The following TMEFF2 variants were observed in gnomAD, a reference collection of about 807,000 sequenced individuals.
The protein encoded by TMEFF2 is tomoregulin-2.
In TMEFF2, 28 loss-of-function variants were observed where a neutral mutation model predicts 53.8. The observed-to-expected ratio is 0.52, with a 90% CI of 0.39 to 0.71. The LOEUF is 0.71. Among genes scored for constraint, TMEFF2 ranks in the 30% least tolerant of loss-of-function variants. The pLI is 0.00. For synonymous variants in TMEFF2, 162 were observed against 166.3 expected (o/e 0.97, Z 0.20); for missense variants, 353 against 455.2 (o/e 0.78, Z 2.04).
At chr2:192,031,414 G>C (rs1687134781) in intron 5 of TMEFF2, 2 of 152,108 alleles carry the variant, frequency 1.3e-5, no homozygotes, top group Non-Finnish European at 2.9e-5. Context: ...TGGAGCGTGA[G>C]AATCAGAGCG....
chr2:192,080,605 G>A (rs1422721010), intron 4 of TMEFF2, among the ~76,000 whole-genome samples: 1 of 152,172 alleles, frequency 6.6e-6, no homozygotes. Context: ...GAGAGAGTAA[G>A]TCAATTTGAT....
At chr2:192,104,839 T>C (rs559471825) in intron 4 of TMEFF2, among the ~76,000 whole-genome samples, 1 of 152,246 alleles carries the variant, frequency 6.6e-6, no homozygotes, top group Non-Finnish European at 1.5e-5. Flanking sequence ...ATGAGGTATA[T>C]TGAACATTTC....
rs943521305 is a variant in TMEFF2, at chr2:191,993,809, C to T, written c.745+4453G>A. On this transcript the variant is annotated intron_variant, in intron 7 of 9. Transcript: ENST00000272771. ...TTGATTTTAAAAATTCCCAGCCATA[C>T]GGAGAGCCTCTTGGCGTATTTTGTA... 2.6e-5 allele frequency among the ~76,000 whole-genome samples: 4 copies of T among 151,988 alleles called. No individual in the cohort carries two copies. In the East Asian group the frequency reaches 5.8e-4, roughly 22 times the overall value.
intron 7 of TMEFF2, among the ~76,000 whole-genome samples, chr2:191,959,767 T>C (rs1228487678): frequency 6.6e-6 from 1 of 152,220 alleles, no homozygotes; most frequent in East Asian, 1.9e-4. Context: ...TGACTAAATC[T>C]ATCCATATTT....
chr2:192,023,416 G>C (rs982330220), intron 5 of TMEFF2, among the ~76,000 whole-genome samples: 9 of 152,136 alleles, frequency 5.9e-5, no homozygotes, highest in Admixed American at 5.9e-4. Flanking sequence ...TTCTGCCTGA[G>C]TTTTGAGAGA....
chr2:192,061,209 T>C (rs926331961), intron 4 of TMEFF2, among the ~76,000 whole-genome samples: 14 of 152,262 alleles, frequency 9.2e-5, no homozygotes, highest in African/African-American at 3.1e-4. Flanking sequence ...AACAGTGAAC[T>C]ATAATGTTCA....
intron 4 of TMEFF2, among the ~76,000 whole-genome samples, chr2:192,134,704 T>C (rs907508197): frequency 1.3e-5 from 2 of 152,180 alleles, no homozygotes; most frequent in African/African-American, 4.8e-5. Flanking sequence ...TTAGTCTAAG[T>C]AGACACTTTC....
intron 4 of TMEFF2, among the ~76,000 whole-genome samples, chr2:192,118,689 C>T (rs758904242): frequency 2.0e-5 from 3 of 152,098 alleles, no homozygotes; most frequent in Non-Finnish European, 4.4e-5. Flanking sequence ...AAGACAAATT[C>T]CTTGAAGACC....
chr2:192,183,846 T>C (rs546774738), intron 3 of TMEFF2, among the ~76,000 whole-genome samples: 1 of 152,242 alleles, frequency 6.6e-6, no homozygotes, highest in East Asian at 1.9e-4. Flanking sequence ...CTAGAAATTA[T>C]GTCCATTACA....
Position 192,184,321 on chromosome 2 carries a change from T to C in TMEFF2, c.412+33A>G, listed in dbSNP as rs113644195. On this transcript the variant is annotated intron_variant, in intron 3 of 9. Transcript: ENST00000272771. ...ACATGGTTTTTGGATTTGGAATCCA[T>C]GCAGAAGGTTTCAAAGAAGATCACA... 812 of 1,609,974 alleles carry C rather than the reference T, an allele frequency of 5.0e-4. 4 individuals carry two copies. In the African/African-American group the frequency reaches 9.8e-3, roughly 19 times the overall value.
At chr2:192,164,477 C>T (rs2106015046) in intron 4 of TMEFF2, among the ~76,000 whole-genome samples, 1 of 152,238 alleles carries the variant, frequency 6.6e-6, no homozygotes, top group East Asian at 1.9e-4. Context: ...TGCCTGTAAT[C>T]CCAGCACTTT....
At chr2:192,074,439 T>C (rs1352269213) in intron 4 of TMEFF2, among the ~76,000 whole-genome samples, 2 of 151,972 alleles carry the variant, frequency 1.3e-5, no homozygotes, top group South Asian at 2.1e-4. Flanking sequence ...TAAATATTTA[T>C]TGAATGATAA....
At chr2:192,166,147 A>C (rs1252609077) in intron 4 of TMEFF2, among the ~76,000 whole-genome samples, 1 of 152,140 alleles carries the variant, frequency 6.6e-6, no homozygotes, top group Non-Finnish European at 1.5e-5. Context: ...AAAATAAGTG[A>C]AACTAAGTGG....
intron 2 of TMEFF2, among the ~76,000 whole-genome samples, chr2:192,189,728 A>C (rs1030671111): frequency 1.3e-5 from 2 of 152,068 alleles, no homozygotes; most frequent in Non-Finnish European, 2.9e-5. Flanking sequence ...GAAAAGATGG[A>C]CTCAAGAGAC....
intron 7 of TMEFF2, among the ~76,000 whole-genome samples, chr2:191,969,442 A>G (rs1269382091): frequency 2.0e-5 from 3 of 152,136 alleles, no homozygotes; most frequent in Non-Finnish European, 4.4e-5. Context: ...TAGAAAGTAT[A>G]CATTCCAGTA....
intron 5 of TMEFF2, chr2:192,034,565 T>C (rs1687235856): frequency 6.6e-6 from 1 of 152,260 alleles, no homozygotes; most frequent in Non-Finnish European, 1.5e-5. Flanking sequence ...AGCTTGGTTT[T>C]ATCTTTCTAA....
intron 7 of TMEFF2, among the ~76,000 whole-genome samples, chr2:191,965,522 C>T (rs1423005522): frequency 1.3e-5 from 2 of 152,112 alleles, no homozygotes; most frequent in Non-Finnish European, 2.9e-5. Flanking sequence ...ACATTTTGAT[C>T]GCCCTTAAAA....
rs989115321 is a variant in TMEFF2 at position 192,122,599 on chromosome 2, G to C, written c.439+57069C>G. ...CTTCGGTACTGATCAACGGGGCAAT[G>C]AAACAGACTGCATTTTACCAAGTCT... On this transcript the variant is annotated intron_variant, in intron 4 of 9. Coordinates refer to ENST00000272771, the MANE Select transcript of TMEFF2 (RefSeq NM_016192.4). Among the ~76,000 whole-genome samples, 4 of 152,202 alleles carry C rather than the reference G, an allele frequency of 2.6e-5. No homozygotes were observed. The South Asian group carries it at 6.2e-4, about 24-fold the overall frequency.
rs1559114994 is a variant in TMEFF2, at chr2:192,075,299, ATATATATATATAT to A, written c.440-17537_440-17525del. 9.7e-5 allele frequency among the ~76,000 whole-genome samples: 4 copies of A among 41,074 alleles called. No homozygotes were observed. In the East Asian group the frequency reaches 1.7e-3, roughly 18 times the overall value. The allele number at this position is 41,074 out of a possible 152,430, so 26.9% of individuals were successfully genotyped here. The stretch of plus-strand genomic sequence containing the variant: ...GTACAGTACTATTATATATATATAT[ATATATATATATAT>A]ATATATATATATATATATATACATA... On this transcript the variant is annotated intron_variant, in intron 4 of 9. Coordinates refer to ENST00000272771, the MANE Select transcript of TMEFF2 (RefSeq NM_016192.4).
Sources: gnomAD v4.1 joint callset for allele counts (sites outside exome capture counted in the v4.1 genomes callset) on GRCh38, gnomAD v4.1.1 for gene constraint, MANE v1.5 for transcripts, NCBI Gene and HGNC (gene_info 2026-07-23, HGNC 2026-07-21) for gene names.